ADRA1A: variants seen among roughly 807,000 people sequenced by gnomAD.
ADRA1A encodes the protein adrenoceptor alpha 1A, also known as alpha-1A adrenergic receptor.
ADRA1A carries 31 observed loss-of-function variants against 29.6 expected under a neutral mutation model. That is an observed-to-expected ratio of 1.05 (90% CI 0.79 to 1.41). The LOEUF (loss-of-function observed/expected upper bound fraction) is 1.41. Ranked by LOEUF, ADRA1A falls within the 40% of genes most tolerant of loss-of-function variation. The pLI is 0.00. For synonymous variants in ADRA1A, 311 were observed against 254.3 expected, an observed-to-expected ratio of 1.22 and a Z score of -2.12; for missense variants, 619 against 601.1, an observed-to-expected ratio of 1.03 and a Z score of -0.31.
rs1001082631 is a variant in ADRA1A at position 26,848,814 on chromosome 8, T to C, written c.883+15273A>G. ...CTTACTGAACTGTGTAGGGATTCTG[T>C]TACTGTCTCACTGCACAGTTGTCTT... On this transcript the variant is annotated intron_variant, in intron 2 of 2. Transcript: ENST00000380573. The surrounding 1 kb of genome is among the most constrained non-coding windows in gnomAD (Gnocchi z 4.3). Among the ~76,000 whole-genome samples the C allele has an allele frequency of 2.6e-5, 4 of 152,210 alleles. No individual in the cohort carries two copies.
chr8:26,856,487 C>G (rs552641286), intron 2 of ADRA1A, among the ~76,000 whole-genome samples: 1 of 152,330 alleles, frequency 6.6e-6, no homozygotes, highest in East Asian at 1.9e-4. Flanking sequence ...TCTTCCCTTT[C>G]CAGCTTCACT....
At position 26,825,610 on chromosome 8, in the gene ADRA1A, A is replaced by G. The variant is rs1207043683; in HGVS notation, c.883+38477T>C. On this transcript the variant is annotated intron_variant, in intron 2 of 2. Transcript: ENST00000380573. The surrounding 1 kb of genome is among the most constrained non-coding windows in gnomAD (Gnocchi z 5.7). ...ATTCACTAATCCCAGATCAAGCTTC[A>G]CTTCCTCCAAAAAGTCTTTTTCAAC... 2.0e-5 allele frequency among the ~76,000 whole-genome samples: 3 copies of G among 152,160 alleles called. No individual in the cohort carries two copies. Among genetic ancestry groups the G allele is most frequent in the Non-Finnish European group, 4.4e-5 (3 of 68,030 alleles).
At chr8:26,852,088 A>C (rs908889446) in intron 2 of ADRA1A, among the ~76,000 whole-genome samples, 5 of 152,176 alleles carry the variant, frequency 3.3e-5, no homozygotes, top group African/African-American at 1.2e-4. Flanking sequence ...AAAGTGGGAG[A>C]TAAAATTACC....
chr8:26,785,505 C>A (rs963804640), intron 2 of ADRA1A, among the ~76,000 whole-genome samples: 1 of 152,002 alleles, frequency 6.6e-6, no homozygotes, highest in Non-Finnish European at 1.5e-5. Context: ...CTCTGTTCTT[C>A]AGATTTCCAG....
At chr8:26,845,116 G>A (rs1812103848) in intron 2 of ADRA1A, among the ~76,000 whole-genome samples, 1 of 152,024 alleles carries the variant, frequency 6.6e-6, no homozygotes, top group Non-Finnish European at 1.5e-5. Context: ...ATTAAAGACA[G>A]CTGTCCACCA....
At chr8:26,783,851 A>G (rs927477063) in intron 2 of ADRA1A, among the ~76,000 whole-genome samples, 2 of 152,234 alleles carry the variant, frequency 1.3e-5, no homozygotes, top group African/African-American at 4.8e-5. Context: ...ATGCAGCCAT[A>G]AAAAGGAATG....
chr8:26,846,649 G>C (rs1194945608), intron 2 of ADRA1A, among the ~76,000 whole-genome samples: 1 of 152,186 alleles, frequency 6.6e-6, no homozygotes, highest in East Asian at 1.9e-4. Flanking sequence ...GCAGGCACCT[G>C]TAATCCCACC....
At chr8:26,814,436 A>G (rs2130559038) in intron 2 of ADRA1A, among the ~76,000 whole-genome samples, 1 of 152,204 alleles carries the variant, frequency 6.6e-6, no homozygotes, top group Admixed American at 6.5e-5. Flanking sequence ...AATTTTAAAA[A>G]GTATTTGTAG....
At chr8:26,858,402 C>T (rs982925994) in intron 2 of ADRA1A, among the ~76,000 whole-genome samples, 3 of 152,224 alleles carry the variant, frequency 2.0e-5, no homozygotes, top group African/African-American at 7.2e-5. Context: ...TGTTGACATA[C>T]ATCAGTAATG....
Position 26,775,735 on chromosome 8 carries a change from G to C in ADRA1A, c.884-5069C>G, listed in dbSNP as rs1237577255. Reference sequence around the variant, plus strand: ...TCTTTCCACCATTTGGTCTGCTGCAGAATTTCTGCCTCTTTCCTGACCCTC... The same window carrying C: ...TCTTTCCACCATTTGGTCTGCTGCACAATTTCTGCCTCTTTCCTGACCCTC... On this transcript the variant is annotated intron_variant, in intron 2 of 2. Coordinates refer to ENST00000380573, the MANE Select transcript of ADRA1A (RefSeq NM_000680.4). This position sits in a 1 kb window ranked among gnomAD's most constrained non-coding sequence, Gnocchi z 4.1. Among the ~76,000 whole-genome samples the C allele has an allele frequency of 6.6e-6, 1 of 152,186 alleles. No homozygotes were observed. Among genetic ancestry groups the C allele is most frequent in the Non-Finnish European group, 1.5e-5 (1 of 68,038 alleles).
At chr8:26,840,383 T>A (rs1204541874) in intron 2 of ADRA1A, among the ~76,000 whole-genome samples, 1 of 152,156 alleles carries the variant, frequency 6.6e-6, no homozygotes, top group East Asian at 1.9e-4. Flanking sequence ...TATTGACACC[T>A]GAACTTTGTG....
At chr8:26,853,905 T>G (rs1214031722) in intron 2 of ADRA1A, 1 of 152,224 alleles carries the variant, frequency 6.6e-6, no homozygotes, top group Non-Finnish European at 1.5e-5. Context: ...AATAACCAAG[T>G]GGAAAAGATA....
At chr8:26,773,878 T>C (rs780041317) in intron 2 of ADRA1A, among the ~76,000 whole-genome samples, 5 of 152,204 alleles carry the variant, frequency 3.3e-5, no homozygotes, top group Admixed American at 6.5e-5. Flanking sequence ...TGTGTTCCAG[T>C]CTTCACAGGT....
intron 2 of ADRA1A, among the ~76,000 whole-genome samples, chr8:26,790,255 C>T (rs984016778): frequency 7.2e-5 from 11 of 151,956 alleles, no homozygotes; most frequent in African/African-American, 2.2e-4. Flanking sequence ...TATATATACA[C>T]AATAGAATAC....
chr8:26,798,494 C>A (rs1808341296), intron 2 of ADRA1A, among the ~76,000 whole-genome samples: 2 of 152,280 alleles, frequency 1.3e-5, no homozygotes, highest in South Asian at 4.1e-4. Flanking sequence ...CTACCTCCTG[C>A]TTATTCTCAT....
Position 26,796,421 on chromosome 8 carries a change from T to A in ADRA1A, c.884-25755A>T, listed in dbSNP as rs1000595441. The stretch of plus-strand genomic sequence containing the variant: ...TTTCATAAATAAGTTTGCTTTTTAA[T>A]TCATCCTGCTTGAAAGCCAAATGCA... On this transcript the variant is annotated intron_variant, in intron 2 of 2. Transcript: ENST00000380573. This position sits in a 1 kb window ranked among gnomAD's most constrained non-coding sequence, Gnocchi z 5.0. 3.9e-5 allele frequency among the ~76,000 whole-genome samples: 6 copies of A among 152,216 alleles called. No homozygotes were observed. The highest frequency in any genetic ancestry group is 5.9e-5 in the Non-Finnish European group (4 of 68,032).
At chr8:26,794,995 G>A (rs1262682316) in intron 2 of ADRA1A, among the ~76,000 whole-genome samples, 2 of 152,044 alleles carry the variant, frequency 1.3e-5, no homozygotes, top group African/African-American at 4.8e-5. Flanking sequence ...AACAAACGTT[G>A]TATTTTTTAA....
At chr8:26,837,847 C>T (rs1811501068) in intron 2 of ADRA1A, among the ~76,000 whole-genome samples, 1 of 152,170 alleles carries the variant, frequency 6.6e-6, no homozygotes, top group Non-Finnish European at 1.5e-5. Context: ...TCAGTACCTC[C>T]CATGTATGCT....
At chr8:26,824,282 G>T (rs56059993) in intron 2 of ADRA1A, among the ~76,000 whole-genome samples, 4 of 151,700 alleles carry the variant, frequency 2.6e-5, no homozygotes, top group African/African-American at 7.3e-5. Context: ...CTGGGTAACA[G>T]GGGTCTATCT....
Sources: gnomAD v4.1 joint callset for allele counts (sites outside exome capture counted in the v4.1 genomes callset) on GRCh38, gnomAD v4.1.1 for gene constraint, Gnocchi (gnomAD v3.1) non-coding constraint, MANE v1.5 for transcripts, NCBI Gene and HGNC (gene_info 2026-07-23, HGNC 2026-07-21) for gene names.